Variants in KIRREL3 observed in about 807,000 individuals in gnomAD.
The protein encoded by KIRREL3 is kin of IRRE-like protein 3.
A neutral mutation model predicts 89.7 loss-of-function variants in KIRREL3; 36 were observed. The observed-to-expected ratio is 0.40, with a 90% CI of 0.31 to 0.53. The LOEUF is 0.53. Ranked by LOEUF, KIRREL3 falls within the 20% of genes least tolerant of loss-of-function variation. The pLI is 0.49. For synonymous variants in KIRREL3, 445 were observed against 441.4 expected, an observed-to-expected ratio of 1.01 and a Z score of -0.10; for missense variants, 864 against 1,056.6, an observed-to-expected ratio of 0.82 and a Z score of 2.53.
In KIRREL3 at chr11:126,587,630, C is replaced by T. The variant is rs618745; in HGVS notation, c.56-24718G>A. On this transcript the variant is annotated intron_variant, in intron 1 of 16. Coordinates refer to ENST00000525144, the MANE Select transcript of KIRREL3 (RefSeq NM_032531.4). This position sits in a 1 kb window ranked among gnomAD's most constrained non-coding sequence, Gnocchi z 5.2. ...CAATCCCTGAATCAAAATAAAAATC[C>T]GGCTGCACTTTATCTCGCTGAAGGA... is the stretch of plus-strand genomic sequence containing the variant. Among the ~76,000 whole-genome samples, 6,391 of 152,250 alleles carry T rather than the reference C, an allele frequency of 0.042. 229 individuals are homozygous for T. Among genetic ancestry groups the T allele is most frequent in the African/African-American group, 0.1 (4,271 of 41,528 alleles).
At chr11:126,798,527 G>A (rs1000725762) in intron 1 of KIRREL3, among the ~76,000 whole-genome samples, 1 of 152,168 alleles carries the variant, frequency 6.6e-6, no homozygotes, top group Middle Eastern at 3.2e-3. Flanking sequence ...AACATTGGAG[G>A]GTTTCCTTGT....
intron 1 of KIRREL3, among the ~76,000 whole-genome samples, chr11:126,634,694 T>C (rs1944191709): frequency 6.6e-6 from 1 of 152,168 alleles, no homozygotes; most frequent in Admixed American, 6.5e-5. Flanking sequence ...AAAGAGTGCA[T>C]CGGGTGGAAT....
intron 2 of KIRREL3, among the ~76,000 whole-genome samples, chr11:126,547,116 G>T (rs11220535): frequency 1.3e-5 from 2 of 152,302 alleles, no homozygotes; most frequent in East Asian, 1.9e-4. Flanking sequence ...CACAAGGCAG[G>T]TATGATTTAC....
In KIRREL3 at chr11:126,631,124, T is replaced by TATGTATGTATTC. The variant is rs543668078; in HGVS notation, c.56-68213_56-68212insGAATACATACAT. ...TCTGTGCAATCAGTCTGTATGTATG[T>TATGTATGTATTC]ATTCATTCATTCATTCATTCATTCA... is the stretch of plus-strand genomic sequence containing the variant. On this transcript the variant is annotated intron_variant, in intron 1 of 16. Coordinates refer to ENST00000525144, the MANE Select transcript of KIRREL3 (RefSeq NM_032531.4). Among the ~76,000 whole-genome samples the TATGTATGTATTC allele has an allele frequency of 5.1e-3, 546 of 106,754 alleles. 6 individuals are homozygous for TATGTATGTATTC. Among genetic ancestry groups the TATGTATGTATTC allele is most frequent in the African/African-American group, 0.018 (518 of 29,402 alleles). The allele number at this position is 106,754 out of a possible 152,430, so 70.0% of individuals were successfully genotyped here. A position where few individuals can be genotyped will look rare whatever the true frequency, so the allele number is the denominator to read the frequency against.
At chr11:126,547,666 G>A (rs1938919094) in intron 2 of KIRREL3, among the ~76,000 whole-genome samples, 1 of 152,168 alleles carries the variant, frequency 6.6e-6, no homozygotes. Flanking sequence ...CCCATATCTG[G>A]GGCAGGATCA....
chr11:126,538,231 C>A (rs1938071987), intron 2 of KIRREL3, among the ~76,000 whole-genome samples: 1 of 152,224 alleles, frequency 6.6e-6, no homozygotes, highest in African/African-American at 2.4e-5. Flanking sequence ...AAAAAGGGCT[C>A]AAATGTCACC....
chr11:126,593,348 G>A (rs948373251), intron 1 of KIRREL3, among the ~76,000 whole-genome samples: 7 of 152,178 alleles, frequency 4.6e-5, no homozygotes, highest in Non-Finnish European at 7.4e-5. Context: ...GCATTTCCAC[G>A]CCACCAGCTC....
At position 126,557,878 on chromosome 11, in the gene KIRREL3, C is replaced by A. The variant is rs1016851316; in HGVS notation, c.133+4957G>T. On this transcript the variant is annotated intron_variant, in intron 2 of 16. Transcript: ENST00000525144. The surrounding 1 kb of genome is among the most constrained non-coding windows in gnomAD (Gnocchi z 5.6). ...AGAGGCTGCTAGTTATTTATGGAAC[C>A]AGCTTTCCCCTTCCTGGGTGCTCCA... Among the ~76,000 whole-genome samples, 12 of 152,198 alleles carry A rather than the reference C, an allele frequency of 7.9e-5. No individual in the cohort carries two copies. Among genetic ancestry groups the A allele is most frequent in the Non-Finnish European group, 1.8e-4 (12 of 68,036 alleles).
rs377316060 is a variant in KIRREL3, at chr11:126,471,955, G to T, written c.591+1354C>A. ...TGTTGGTAGACACAGCAGGGCAAGG[G>T]CTGTTGGGTAAGGGATCATGGGCTG... On this transcript the variant is annotated intron_variant, in intron 5 of 16. Coordinates refer to ENST00000525144, the MANE Select transcript of KIRREL3 (RefSeq NM_032531.4). The surrounding 1 kb of genome is among the most constrained non-coding windows in gnomAD (Gnocchi z 5.4). 6.6e-6 allele frequency among the ~76,000 whole-genome samples: 1 copy of T among 152,166 alleles called. No individual in the cohort carries two copies. The highest frequency in any genetic ancestry group is 1.9e-4 in the East Asian group (1 of 5,190).
At chr11:126,446,241 C>CTTTCTTTCTCTTTCT (rs757905780) in intron 9 of KIRREL3, among the ~76,000 whole-genome samples, 69 of 149,784 alleles carry the variant, frequency 4.6e-4, no homozygotes, top group African/African-American at 1.4e-3. Flanking sequence ...TTAAAAGGCT[C>CTTTCTTTCTCTTTCT]TTTCTTTCTC....
chr11:126,671,972 G>A (rs1341267810), intron 1 of KIRREL3, among the ~76,000 whole-genome samples: 4 of 152,170 alleles, frequency 2.6e-5, no homozygotes, highest in African/African-American at 7.2e-5. Context: ...AAACCTCCAC[G>A]AGAAGGTTTA....
chr11:126,559,175 A>T (rs1275455350), intron 2 of KIRREL3, among the ~76,000 whole-genome samples: 1 of 152,174 alleles, frequency 6.6e-6, no homozygotes, highest in Non-Finnish European at 1.5e-5. Flanking sequence ...AAAGCCTGAG[A>T]GTGAGCACCA....
At position 126,624,528 on chromosome 11, in the gene KIRREL3, C is replaced by G. The variant is rs1181078808; in HGVS notation, c.56-61616G>C. ...ATAATGGTGTAAAAACCCTGGTTTC[C>G]CCTTCCCATTCCCGGTGCCTTCCCA... On this transcript the variant is annotated intron_variant, in intron 1 of 16. Transcript: ENST00000525144. The surrounding 1 kb of genome is among the most constrained non-coding windows in gnomAD (Gnocchi z 6.0). Among the ~76,000 whole-genome samples, 2 of 152,114 alleles carry G rather than the reference C, an allele frequency of 1.3e-5. No individual in the cohort carries two copies. The highest frequency in any genetic ancestry group is 2.9e-5 in the Non-Finnish European group (2 of 68,036).
intron 1 of KIRREL3, among the ~76,000 whole-genome samples, chr11:126,592,467 T>A (rs1942183396): frequency 2.0e-5 from 3 of 152,178 alleles, no homozygotes; most frequent in Admixed American, 2.0e-4. Context: ...TCTGACAGTT[T>A]CCAGCGATTC....
chr11:126,818,603 TGTAGTAGTA>T (rs144153893), intron 1 of KIRREL3, among the ~76,000 whole-genome samples: 72 of 148,016 alleles, frequency 4.9e-4, no homozygotes, highest in Non-Finnish European at 6.3e-4. Context: ...GCAGAAATTG[TGTAGTAGTA>T]GTAGTAGTAG....
In KIRREL3 at chr11:126,803,725, C is replaced by A. The variant is rs948646251; in HGVS notation, c.55+196730G>T. Among the ~76,000 whole-genome samples the A allele has an allele frequency of 3.3e-5, 5 of 152,232 alleles. No homozygotes were observed. In the South Asian group the frequency reaches 1.0e-3, roughly 32 times the overall value. On this transcript the variant is annotated intron_variant, in intron 1 of 16. Transcript: ENST00000525144. ...CTGGCTGTCACCTGTGCTGTCCCCACACCGCCACCCCCAACTCAGTACATG... is the reference window on the plus strand; with the variant it reads ...CTGGCTGTCACCTGTGCTGTCCCCAAACCGCCACCCCCAACTCAGTACATG...
chr11:126,569,777 C>T lies in KIRREL3; in HGVS notation c.56-6865G>A, dbSNP rs1940786825. 6.6e-6 allele frequency among the ~76,000 whole-genome samples: 1 copy of T among 152,100 alleles called. No individual in the cohort carries two copies. Among genetic ancestry groups the T allele is most frequent in the African/African-American group, 2.4e-5 (1 of 41,396 alleles). On this transcript the variant is annotated intron_variant, in intron 1 of 16. Transcript: ENST00000525144. The surrounding 1 kb of genome is among the most constrained non-coding windows in gnomAD (Gnocchi z 6.5). The stretch of plus-strand genomic sequence containing the variant: ...AGGCCTTGAAAGCTGGAGATTGTCC[C>T]TAGTTTTGTCTTAGTTTTGGATGTC...
chr11:126,434,369 G>A (rs1955243518), intron 13 of KIRREL3, among the ~76,000 whole-genome samples: 1 of 152,254 alleles, frequency 6.6e-6, no homozygotes, highest in South Asian at 2.1e-4. Context: ...CATGGACCCG[G>A]GGAGAAGGCA....
In KIRREL3 at chr11:126,569,385, T is replaced by C. The variant is rs548847484; in HGVS notation, c.56-6473A>G. Among the ~76,000 whole-genome samples, 20 of 152,308 alleles carry C rather than the reference T, an allele frequency of 1.3e-4. No individual in the cohort carries two copies. Among genetic ancestry groups the C allele is most frequent in the African/African-American group, 4.8e-4 (20 of 41,580 alleles). On this transcript the variant is annotated intron_variant, in intron 1 of 16. Transcript: ENST00000525144. This position sits in a 1 kb window ranked among gnomAD's most constrained non-coding sequence, Gnocchi z 6.5. ...GTTGGGGGAAACAGCAGTTGGATCC[T>C]GTGGGTAGACTCTGCTACAAGCATT...
Sources: gnomAD v4.1 joint callset for allele counts (sites outside exome capture counted in the v4.1 genomes callset) on GRCh38, gnomAD v4.1.1 for gene constraint, Gnocchi (gnomAD v3.1) non-coding constraint, MANE v1.5 for transcripts, NCBI Gene and HGNC (gene_info 2026-07-23, HGNC 2026-07-21) for gene names.